The following TBC1D30 variants were observed in gnomAD, a reference collection of about 807,000 sequenced individuals.
TBC1D30 encodes TBC1 domain family member 30, also known as TBC1 domain family, member 30.
Under a neutral mutation model 63.2 loss-of-function variants are expected in TBC1D30, and 31 were observed. That is an observed-to-expected ratio of 0.49 (90% CI 0.37 to 0.66). The LOEUF is 0.66. Ranked by LOEUF, TBC1D30 falls within the 30% of genes least tolerant of loss-of-function variation. The pLI is 0.00. For synonymous variants in TBC1D30, 307 were observed against 361.5 expected (o/e 0.85, Z 1.71); for missense variants, 810 against 953.6 (o/e 0.85, Z 1.98).
upstream of TBC1D30, among the ~76,000 whole-genome samples, chr12:64,779,507 G>GAGTTAATAT (rs1871171544): frequency 6.6e-6 from 1 of 151,814 alleles, no homozygotes; most frequent in Non-Finnish European, 1.5e-5. Context: ...TTTCAAAAAG[G>GAGTTAATAT]GCCCTTTTAT....
chr12:64,787,873 T>C (rs1481291160), intron 2 of TBC1D30, among the ~76,000 whole-genome samples: 1 of 151,986 alleles, frequency 6.6e-6, no homozygotes, highest in African/African-American at 2.4e-5. Context: ...CCATCTCTAC[T>C]AAAAATATAA....
At chr12:64,835,489 C>T (rs1405970641) in intron 5 of TBC1D30, among the ~76,000 whole-genome samples, 1 of 151,990 alleles carries the variant, frequency 6.6e-6, no homozygotes, top group Non-Finnish European at 1.5e-5. Context: ...ATATATAGAA[C>T]CAGTTATGAT....
At chr12:64,788,954 C>T (rs1480111635) in intron 2 of TBC1D30, among the ~76,000 whole-genome samples, 1 of 152,116 alleles carries the variant, frequency 6.6e-6, no homozygotes, top group African/African-American at 2.4e-5. Flanking sequence ...GACTAAATCC[C>T]TGATTCCAGT....
upstream of TBC1D30, among the ~76,000 whole-genome samples, chr12:64,821,527 C>T (rs183131818): frequency 3.7e-4 from 57 of 152,272 alleles, no homozygotes; most frequent in Non-Finnish European, 6.0e-4. Context: ...GTCTGGAAGA[C>T]GAGACTGTGC....
At chr12:64,798,275 A>G (rs908855277) in intron 2 of TBC1D30, among the ~76,000 whole-genome samples, 4 of 152,230 alleles carry the variant, frequency 2.6e-5, no homozygotes, top group Non-Finnish European at 2.9e-5. Context: ...AATAGTTCTA[A>G]TGGAGGTTGT....
intron 1 of TBC1D30, among the ~76,000 whole-genome samples, chr12:64,765,304 C>T (rs956575872): frequency 6.6e-6 from 1 of 150,696 alleles, no homozygotes. Flanking sequence ...CTGGCTAACA[C>T]AGTGAAACCC....
chr12:64,825,097 C>T (rs1874195643), intron 1 of TBC1D30, 64 bp downstream of exon 1: 12 of 1,486,510 alleles, frequency 8.1e-6, no homozygotes, highest in South Asian at 6.5e-5. Context: ...CGCGCTTCTG[C>T]CTTAGCCTGA....
upstream of TBC1D30, among the ~76,000 whole-genome samples, chr12:64,823,915 A>G (rs1453732096): frequency 1.3e-5 from 2 of 152,170 alleles, no homozygotes; most frequent in Non-Finnish European, 2.9e-5. Flanking sequence ...TCCTTCTCCT[A>G]TACAAGTTTT....
At chr12:64,846,392 G>C (rs1445322711) in intron 8 of TBC1D30, among the ~76,000 whole-genome samples, 1 of 149,386 alleles carries the variant, frequency 6.7e-6, no homozygotes. Flanking sequence ...CAAGAGATAG[G>C]GGTCTAGTTT....
At position 64,875,429 on chromosome 12, in the gene TBC1D30, G is replaced by A. The variant is rs1005816011; in HGVS notation, c.1927G>A (p.Gly643Arg). The change falls in exon 12 of 12, where the codon GGA (glycine) becomes AGA (arginine). Residue 643 changes from glycine to arginine, a missense_variant. Gly to Arg is a moderately radical substitution (Grantham distance 125, BLOSUM62 -2). This residue lies in a region of TBC1D30 where 450 missense variants were observed against 473.0 expected (regional missense o/e 0.95). Transcript: ENST00000539867. ...IEGQSPEPVF[G>R]DADVDVSAVQ... The stretch of plus-strand genomic sequence containing the variant: ...GGGGCAGTCTCCGGAGCCGGTGTTC[G>A]GAGATGCTGATGTGGATGTGTCTGC... The A allele has an allele frequency of 2.6e-6, 4 of 1,536,162 alleles. No homozygotes were observed. Among genetic ancestry groups the A allele is most frequent in the South Asian group, 1.2e-5 (1 of 84,050 alleles).
chr12:64,848,956 T>A (rs1348237026), intron 8 of TBC1D30, among the ~76,000 whole-genome samples: 1 of 152,234 alleles, frequency 6.6e-6, no homozygotes, highest in African/African-American at 2.4e-5. Context: ...GACTTTTTAA[T>A]GATTGCCATT....
At position 64,832,286 on chromosome 12, in the gene TBC1D30, T is replaced by C; in HGVS notation, c.576T>C (p.Asn192=). 6.5e-7 allele frequency: 1 copy of C among 1,536,024 alleles called. No homozygotes were observed. Among genetic ancestry groups the C allele is most frequent in the Non-Finnish European group, 8.7e-7 (1 of 1,146,860 alleles). Residue 192 remains asparagine, a synonymous_variant, in exon 5 of 12, where the codon AAT becomes AAC. Transcript: ENST00000539867. ...AALILEVMEG[N]EGDALKIMIY... ...TAATTCTGGAAGTGATGGAAGGCAATGAAGGGGATGCCCTGAAAGTGAGTA... is the reference window on the plus strand; with the variant it reads ...TAATTCTGGAAGTGATGGAAGGCAACGAAGGGGATGCCCTGAAAGTGAGTA...
At chr12:64,776,338 A>G (rs1374216997), upstream of TBC1D30, among the ~76,000 whole-genome samples, 1 of 152,152 alleles carries the variant, frequency 6.6e-6, no homozygotes, top group African/African-American at 2.4e-5. Flanking sequence ...TTTTTGAAAA[A>G]ATTAATAAGA....
chr12:64,866,224 A>G (rs929837556), intron 9 of TBC1D30, among the ~76,000 whole-genome samples: 1 of 152,176 alleles, frequency 6.6e-6, no homozygotes, highest in African/African-American at 2.4e-5. Flanking sequence ...ATAGTATGCT[A>G]ATAGTTATGC....
At chr12:64,874,342 C>A (rs111782707) in intron 11 of TBC1D30, among the ~76,000 whole-genome samples, 3 of 152,204 alleles carry the variant, frequency 2.0e-5, no homozygotes, top group Admixed American at 1.3e-4. Flanking sequence ...CCTGCCTTGG[C>A]CTCCCAAAAT....
At chr12:64,838,618 AG>A (rs973528496) in intron 6 of TBC1D30, 64 bp from the exon 7 acceptor site, 2 of 1,458,642 alleles carry the variant, frequency 1.4e-6, no homozygotes, top group Admixed American at 2.1e-5. Context: ...AGACTAGAAA[AG>A]GGTATCTGCA....
chr12:64,875,189 T>TC lies in TBC1D30; in HGVS notation c.1691dup (p.Trp565ValfsTer30). On this transcript the variant is annotated frameshift_variant, in exon 12 of 12. Transcript: ENST00000539867. LOFTEE classifies it low-confidence loss of function (END_TRUNC). ...CGAAGACCTTAAGACGAAGCTCAAC[T>TC]CCCCGTGGCGAACTCACATCCGAGT... is the stretch of plus-strand genomic sequence containing the variant. 1 of 1,536,164 alleles carries TC rather than the reference T, an allele frequency of 6.5e-7. No homozygotes were observed. Among genetic ancestry groups the TC allele is most frequent in the East Asian group, 2.4e-5 (1 of 40,900 alleles).
rs142513611 is a variant in TBC1D30 at position 64,804,210 on chromosome 12, C to A, written c.643+18165C>A. On this transcript the variant is annotated intron_variant, in intron 2 of 12. Coordinates refer to the TBC1D30 transcript ENST00000542120. ...TTATCCTTGAAGAGGTCCTTCACATCCTTTGTAAGTTGGATTCCTAGGTAT... is the reference window on the plus strand; with the variant it reads ...TTATCCTTGAAGAGGTCCTTCACATACTTTGTAAGTTGGATTCCTAGGTAT... 8.3e-4 allele frequency among the ~76,000 whole-genome samples: 126 copies of A among 152,268 alleles called. No homozygotes were observed. In the East Asian group the frequency reaches 0.024, roughly 28 times the overall value.
At chr12:64,832,038 T>G in intron 4 of TBC1D30, 81 bp from the exon 5 acceptor site, 1 of 1,323,610 alleles carries the variant, frequency 7.6e-7, no homozygotes, top group Non-Finnish European at 9.9e-7. Flanking sequence ...TGACTCTGTT[T>G]ATTGAGTCAA....
Sources: gnomAD v4.1 joint callset for allele counts (sites outside exome capture counted in the v4.1 genomes callset) on GRCh38, gnomAD v4.1.1 for gene constraint, gnomAD v4.1.1 regional missense constraint, MANE v1.5 for transcripts, NCBI Gene and HGNC (gene_info 2026-07-23, HGNC 2026-07-21) for gene names.